Variants in MAML2 observed in about 807,000 individuals in gnomAD.
The protein encoded by MAML2 is mastermind-like protein 2.
Under a neutral mutation model 96.1 loss-of-function variants are expected in MAML2, and 22 were observed. That is an observed-to-expected ratio of 0.23 (90% CI 0.16 to 0.33). The LOEUF is 0.33. MAML2 is among the 10% of genes least tolerant of loss of function. The probability of loss-of-function intolerance (pLI) is 1.00; values close to 1 mark genes in which losing one functional copy is unlikely to be tolerated. For synonymous variants in MAML2, 561 were observed against 521.3 expected (o/e 1.08, Z -1.04); for missense variants, 1,367 against 1,392.4 (o/e 0.98, Z 0.29).
chr11:95,981,531 G>A (rs1287188126), intron 4 of MAML2, among the ~76,000 whole-genome samples: 2 of 150,606 alleles, frequency 1.3e-5, no homozygotes, highest in East Asian at 1.9e-4. Context: ...TTAAGGATAC[G>A]TAGGTGGTAT....
At chr11:96,079,723 G>A (rs951275676) in intron 2 of MAML2, among the ~76,000 whole-genome samples, 2 of 152,200 alleles carry the variant, frequency 1.3e-5, no homozygotes, top group African/African-American at 2.4e-5. Context: ...TGGTCAGGAA[G>A]CGACCATCAG....
intron 1 of MAML2, among the ~76,000 whole-genome samples, chr11:96,314,373 A>G (rs1656606875): frequency 6.6e-6 from 1 of 152,208 alleles, no homozygotes; most frequent in African/African-American, 2.4e-5. Flanking sequence ...TCTGAGTGGT[A>G]GTTTGGAATC....
chr11:96,030,129 G>A (rs1858589898), intron 2 of MAML2, among the ~76,000 whole-genome samples: 1 of 151,946 alleles, frequency 6.6e-6, no homozygotes, highest in Non-Finnish European at 1.5e-5. Context: ...CAGCCTACTC[G>A]GGAGGCTGAG....
At chr11:96,241,076 C>T (rs1336555305) in intron 1 of MAML2, among the ~76,000 whole-genome samples, 1 of 152,182 alleles carries the variant, frequency 6.6e-6, no homozygotes, top group Non-Finnish European at 1.5e-5. Context: ...TCAGAAGATT[C>T]TGCAATTATT....
At chr11:96,260,001 A>G (rs1168987336) in intron 1 of MAML2, among the ~76,000 whole-genome samples, 2 of 151,978 alleles carry the variant, frequency 1.3e-5, no homozygotes, top group African/African-American at 4.8e-5. Context: ...TATTCTTTCA[A>G]ACAGGCTGGG....
chr11:96,313,206 C>T (rs76640407), intron 1 of MAML2, among the ~76,000 whole-genome samples: 4,340 of 152,236 alleles, frequency 0.029, 74 homozygotes, highest in Non-Finnish European at 0.043. Context: ...AGAGCTGGGG[C>T]TCACAACCTG....
At chr11:96,230,759 AG>A (rs1862282193) in intron 1 of MAML2, among the ~76,000 whole-genome samples, 1 of 152,244 alleles carries the variant, frequency 6.6e-6, no homozygotes, top group East Asian at 1.9e-4. Context: ...TCAGGAAATG[AG>A]GGAACAATAC....
At chr11:96,008,983 T>C (rs1858228468) in intron 2 of MAML2, among the ~76,000 whole-genome samples, 1 of 152,210 alleles carries the variant, frequency 6.6e-6, no homozygotes, top group African/African-American at 2.4e-5. Flanking sequence ...TTTTTAAAAG[T>C]TGCTTTTTTC....
chr11:96,316,237 A>G (rs774853692), intron 1 of MAML2, among the ~76,000 whole-genome samples: 4 of 152,362 alleles, frequency 2.6e-5, no homozygotes, highest in Non-Finnish European at 4.4e-5. Flanking sequence ...TTCAAGAAGC[A>G]ACCAGTATAC....
At position 96,196,585 on chromosome 11, in the gene MAML2, C is replaced by T. The variant is rs149944656; in HGVS notation, c.514-103068G>A. Among the ~76,000 whole-genome samples, 208 of 152,326 alleles carry T rather than the reference C, an allele frequency of 1.4e-3. 1 individual carries two copies. Among genetic ancestry groups the T allele is most frequent in the African/African-American group, 4.8e-3 (201 of 41,568 alleles). ...GGCAATACCAGGCTGGAGAATACCA[C>T]AGTAGCTCTAGTGAATAACAGGGGA... On this transcript the variant is annotated intron_variant, in intron 1 of 4. Transcript: ENST00000524717.
At chr11:96,312,692 T>C (rs1358247968) in intron 1 of MAML2, among the ~76,000 whole-genome samples, 1 of 152,160 alleles carries the variant, frequency 6.6e-6, no homozygotes, top group Non-Finnish European at 1.5e-5. Flanking sequence ...TACATAAAAT[T>C]TACCATTTTA....
chr11:96,017,097 A>G (rs1424444149), intron 2 of MAML2, among the ~76,000 whole-genome samples: 1 of 152,216 alleles, frequency 6.6e-6, no homozygotes, highest in East Asian at 1.9e-4. Context: ...ATATTACTAA[A>G]CAATTTGATT....
intron 1 of MAML2, among the ~76,000 whole-genome samples, chr11:96,145,724 T>C (rs1860804347): frequency 6.6e-6 from 1 of 152,190 alleles, no homozygotes; most frequent in Non-Finnish European, 1.5e-5. Flanking sequence ...AATTGTATAC[T>C]TGTTCGGGCG....
At chr11:96,340,077 AG>A (rs910662342) in intron 1 of MAML2, among the ~76,000 whole-genome samples, 2 of 152,114 alleles carry the variant, frequency 1.3e-5, no homozygotes, top group South Asian at 2.1e-4. Flanking sequence ...TGGGGAGAAA[AG>A]CACCATCCTA....
chr11:96,041,701 A>G (rs1387529696), intron 2 of MAML2, among the ~76,000 whole-genome samples: 4 of 151,936 alleles, frequency 2.6e-5, no homozygotes, highest in Admixed American at 2.6e-4. Context: ...AGAAATTGTA[A>G]GGAAGCCAAA....
chr11:96,199,433 T>A (rs1288187078), intron 1 of MAML2, among the ~76,000 whole-genome samples: 4 of 152,052 alleles, frequency 2.6e-5, no homozygotes, highest in Non-Finnish European at 4.4e-5. Context: ...AGAAAAAAAA[T>A]TTATGTATTT....
rs1193998178 is a variant in MAML2, at chr11:96,299,062, T to A, written c.513+42321A>T. Among the ~76,000 whole-genome samples, 944 of 106,032 alleles carry A rather than the reference T, an allele frequency of 8.9e-3. 10 individuals are homozygous for A. The highest frequency in any genetic ancestry group is 0.025 in the African/African-American group (623 of 25,138). The allele number at this position is 106,032 out of a possible 152,430, so 69.6% of individuals were successfully genotyped here. On this transcript the variant is annotated intron_variant, in intron 1 of 4. Coordinates refer to ENST00000524717, the MANE Select transcript of MAML2 (RefSeq NM_032427.4). ...TCCATCTCAAAAAAAAAAAAAAAAA[T>A]ATATATATATATATATATAAAATTT...
chr11:96,284,605 T>C (rs1863113501), intron 1 of MAML2, among the ~76,000 whole-genome samples: 1 of 152,220 alleles, frequency 6.6e-6, no homozygotes, highest in Non-Finnish European at 1.5e-5. Context: ...GGTGCTAAAG[T>C]AACTGTGACA....
chr11:95,997,683 T>C (rs1390172614), intron 2 of MAML2, among the ~76,000 whole-genome samples: 1 of 152,160 alleles, frequency 6.6e-6, no homozygotes, highest in African/African-American at 2.4e-5. Flanking sequence ...TTTCTCAAAA[T>C]GCCATCCCAA....
Sources: allele counts gnomAD v4.1 joint callset (sites outside exome capture counted in the v4.1 genomes callset), GRCh38; gene constraint gnomAD v4.1.1; transcripts MANE v1.5; gene names NCBI Gene and HGNC (gene_info 2026-07-23, HGNC 2026-07-21).